Variants in DTNA observed in about 807,000 individuals in gnomAD.
The protein encoded by DTNA is dystrophin-related protein 3.
Under a neutral mutation model 100.7 loss-of-function variants are expected in DTNA, and 43 were observed. That is an observed-to-expected ratio of 0.43 (90% confidence interval 0.33 to 0.55). The LOEUF (loss-of-function observed/expected upper bound fraction) is 0.55. Ranked by LOEUF, DTNA falls within the 20% of genes least tolerant of loss-of-function variation. The pLI, the probability that DTNA is intolerant of heterozygous loss-of-function variation, is 0.04. For missense variants in DTNA, 798 were observed against 953.9 expected (o/e 0.84, Z 2.15); for synonymous variants, 349 against 347.9 (o/e 1.00, Z -0.04).
At chr18:34,825,186 T>C (rs2095831337) in intron 9 of DTNA, 2 of 1,587,292 alleles carry the variant, frequency 1.3e-6, no homozygotes, top group South Asian at 2.2e-5. Context: ...TATTTTGACA[T>C]TTGTTCTTAG....
intron 1 of DTNA, among the ~76,000 whole-genome samples, chr18:34,696,398 G>T (rs1264019385): frequency 6.6e-6 from 1 of 151,820 alleles, no homozygotes; most frequent in Non-Finnish European, 1.5e-5. Flanking sequence ...CCAACATAGT[G>T]GAACCCCCGT....
chr18:34,754,878 G>C (rs1007769940), intron 1 of DTNA, among the ~76,000 whole-genome samples: 1 of 152,180 alleles, frequency 6.6e-6, no homozygotes, highest in Non-Finnish European at 1.5e-5. Context: ...GAAGATTTCA[G>C]AGGAAGATAG....
At chr18:34,625,364 G>A (rs1444576324) in intron 1 of DTNA, among the ~76,000 whole-genome samples, 2 of 152,040 alleles carry the variant, frequency 1.3e-5, no homozygotes, top group Non-Finnish European at 2.9e-5. Context: ...GTAGAGACGG[G>A]GTTTCACCAT....
intron 1 of DTNA, among the ~76,000 whole-genome samples, chr18:34,535,150 A>T (rs531130050): frequency 1.3e-5 from 2 of 152,252 alleles, no homozygotes; most frequent in East Asian, 3.9e-4. Flanking sequence ...CCTCACCAGC[A>T]TCTATTGTTT....
chr18:34,790,549 C>CTATATATATATATA (rs67141918), intron 3 of DTNA, among the ~76,000 whole-genome samples: 15 of 96,194 alleles, frequency 1.6e-4, no homozygotes, highest in African/African-American at 6.5e-4. Context: ...AAGCAGCATA[C>CTATATATATATATA]TATATATATA....
chr18:34,739,869 T>C (rs958746094), intron 1 of DTNA, among the ~76,000 whole-genome samples: 1 of 152,090 alleles, frequency 6.6e-6, no homozygotes, highest in Admixed American at 6.6e-5. Context: ...GGAGAAGTAA[T>C]GGTGAGAAAC....
chr18:34,555,992 T>C (rs1197851028), intron 1 of DTNA, among the ~76,000 whole-genome samples: 1 of 150,068 alleles, frequency 6.7e-6, no homozygotes, highest in African/African-American at 2.4e-5. Context: ...CCATTATTAA[T>C]GTGTGGGAGT....
chr18:34,816,781 ATTTC>A (rs2095607173), intron 7 of DTNA, among the ~76,000 whole-genome samples: 1 of 152,172 alleles, frequency 6.6e-6, no homozygotes, highest in Non-Finnish European at 1.5e-5. Context: ...ACTTCTGTGT[ATTTC>A]TTTAATATAC....
intron 1 of DTNA, among the ~76,000 whole-genome samples, chr18:34,596,235 T>A (rs2050581810): frequency 6.6e-6 from 1 of 152,168 alleles, no homozygotes; most frequent in Admixed American, 6.5e-5. Context: ...TGTTTTGTTT[T>A]GTTTTATTCT....
intron 1 of DTNA, among the ~76,000 whole-genome samples, chr18:34,504,926 G>A (rs905895387): frequency 1.9e-4 from 29 of 151,946 alleles, no homozygotes; most frequent in Non-Finnish European, 1.9e-4. Context: ...TTTCAGCCTC[G>A]CCCAATTTTT....
Position 34,891,007 on chromosome 18 carries a change from A to G in DTNA, c.*3273A>G, listed in dbSNP as rs2096962017. 1 of 152,648 alleles carries G rather than the reference A, an allele frequency of 6.6e-6. No homozygotes were observed. 9.5% of individuals were successfully genotyped at this position (152,648 alleles called of 1,614,324 possible). On this transcript the variant is annotated 3_prime_UTR_variant, in exon 23 of 23. Coordinates refer to ENST00000444659, the MANE Select transcript of DTNA (RefSeq NM_001386795.1). ...GCTGCATTCCCCTTGGTTCGATTCC[A>G]CGCAAGGAGCCACAAGTGAGAACTC...
chr18:34,890,630 G>A lies in DTNA; in HGVS notation c.*2896G>A, dbSNP rs906446858. On this transcript the variant is annotated 3_prime_UTR_variant, in exon 23 of 23. Transcript: ENST00000444659. ...CATATTAATGGAGGAGGGGAGGAAG[G>A]TGAAATCTACTGCATGGGATTCAGG... 2 of 915,134 alleles carry A rather than the reference G, an allele frequency of 2.2e-6. No homozygotes were observed. The highest frequency in any genetic ancestry group is 1.9e-5 in the South Asian group (1 of 52,424). 56.7% of individuals were successfully genotyped at this position (915,134 alleles called of 1,614,324 possible).
intron 1 of DTNA, among the ~76,000 whole-genome samples, chr18:34,682,250 C>T (rs527998707): frequency 8.5e-5 from 13 of 152,250 alleles, no homozygotes; most frequent in African/African-American, 3.1e-4. Context: ...ATGAATAAAG[C>T]TGCTATAAAC....
intron 4 of DTNA, among the ~76,000 whole-genome samples, chr18:34,796,511 A>T (rs1300154693): frequency 6.6e-6 from 1 of 152,216 alleles, no homozygotes; most frequent in Non-Finnish European, 1.5e-5. Flanking sequence ...AATGATCCTG[A>T]TACTACTAAA....
chr18:34,812,651 A>G (rs1039778554), intron 6 of DTNA, among the ~76,000 whole-genome samples: 1 of 152,166 alleles, frequency 6.6e-6, no homozygotes, highest in African/African-American at 2.4e-5. Context: ...GAACCACCCC[A>G]TGATCCAATC....
At chr18:34,572,219 G>A (rs1015589789) in intron 1 of DTNA, among the ~76,000 whole-genome samples, 1 of 152,086 alleles carries the variant, frequency 6.6e-6, no homozygotes, top group Non-Finnish European at 1.5e-5. Flanking sequence ...TCTGATTCAG[G>A]CCCAGTCTGA....
intron 1 of DTNA, among the ~76,000 whole-genome samples, chr18:34,499,978 C>T (rs980003411): frequency 2.0e-5 from 3 of 152,126 alleles, no homozygotes; most frequent in African/African-American, 7.2e-5. Context: ...CTATTGAACT[C>T]ATAATAGATT....
intron 1 of DTNA, among the ~76,000 whole-genome samples, chr18:34,716,500 T>C (rs976912307): frequency 6.7e-6 from 1 of 149,684 alleles, no homozygotes; most frequent in East Asian, 2.0e-4. Context: ...GAGGCGGAGG[T>C]TGCAGTGAGC....
intron 1 of DTNA, among the ~76,000 whole-genome samples, chr18:34,639,445 GA>G (rs1218595928): frequency 1.3e-5 from 2 of 152,096 alleles, no homozygotes; most frequent in African/African-American, 4.8e-5. Context: ...TGAATGGACT[GA>G]AAAAAGAAGA....
Sources: allele counts gnomAD v4.1 joint callset (sites outside exome capture counted in the v4.1 genomes callset), GRCh38; gene constraint gnomAD v4.1.1; transcripts MANE v1.5; gene names NCBI Gene and HGNC (gene_info 2026-07-23, HGNC 2026-07-21).